Variants in RTTN observed in about 807,000 individuals in gnomAD.
RTTN encodes rotatin.
A neutral mutation model predicts 269.2 loss-of-function variants in RTTN; 182 were observed. The ratio of observed to expected loss-of-function variants is 0.68; its 90% CI spans 0.60 to 0.76. The LOEUF is 0.76. Ranked by LOEUF, RTTN falls within the 30% of genes least tolerant of loss-of-function variation. RTTN has a pLI of 0.00. For missense variants in RTTN, 2,545 were observed against 2,608.6 expected, an observed-to-expected ratio of 0.98 and a Z score of 0.53; for synonymous variants, 1,006 against 963.5, an observed-to-expected ratio of 1.04 and a Z score of -0.82.
chr18:70,086,763 T>C, intron 31 of RTTN, 79 bp from the exon 32 acceptor site: 1 of 1,283,384 alleles, frequency 7.8e-7, no homozygotes, highest in Non-Finnish European at 1.1e-6. Flanking sequence ...TGGTCATCTC[T>C]GAAATAACCA....
chr18:70,010,598 G>A (rs934465799), intron 46 of RTTN, among the ~76,000 whole-genome samples: 1 of 152,146 alleles, frequency 6.6e-6, no homozygotes, highest in South Asian at 2.1e-4. Flanking sequence ...GTGTTTAGAG[G>A]GAAATTTATA....
At chr18:70,161,824 A>G (rs1461653181) in intron 14 of RTTN, among the ~76,000 whole-genome samples, 1 of 152,324 alleles carries the variant, frequency 6.6e-6, no homozygotes, top group East Asian at 1.9e-4. Flanking sequence ...CAGAATGGCT[A>G]TTATTAAAAA....
At chr18:70,159,875 GAAATT>G (rs1277283148) in intron 14 of RTTN, among the ~76,000 whole-genome samples, 1 of 151,812 alleles carries the variant, frequency 6.6e-6, no homozygotes, top group Non-Finnish European at 1.5e-5. Flanking sequence ...GGACCAGAAA[GAAATT>G]AAAACCATGA....
chr18:70,057,880 T>A, intron 36 of RTTN, 48 bp from the exon 37 acceptor site: 1 of 1,293,664 alleles, frequency 7.7e-7, no homozygotes, highest in Non-Finnish European at 1.1e-6. Context: ...AGTATACTTT[T>A]TATTAAAGAT....
chr18:70,062,712 A>G (rs1277480294), intron 35 of RTTN, among the ~76,000 whole-genome samples: 2 of 150,910 alleles, frequency 1.3e-5, no homozygotes, highest in Non-Finnish European at 2.9e-5. Context: ...CCTGGGCTCA[A>G]GTGCTCCTCC....
chr18:70,107,403 T>C (rs943953645), intron 28 of RTTN, among the ~76,000 whole-genome samples: 1 of 152,242 alleles, frequency 6.6e-6, no homozygotes, highest in Non-Finnish European at 1.5e-5. Context: ...GCCTTGTCTA[T>C]GAAGCCCAAG....
At chr18:70,058,847 C>T (rs186793806) in intron 36 of RTTN, among the ~76,000 whole-genome samples, 22 of 152,182 alleles carry the variant, frequency 1.4e-4, no homozygotes, top group Admixed American at 3.9e-4. Flanking sequence ...TACTCCATTG[C>T]GTATCATACA....
chr18:70,078,202 G>A (rs551120004), intron 32 of RTTN, among the ~76,000 whole-genome samples: 17 of 152,064 alleles, frequency 1.1e-4, no homozygotes, highest in Admixed American at 9.2e-4. Context: ...AGAGTCAGAT[G>A]AAAATTCAAC....
intron 10 of RTTN, among the ~76,000 whole-genome samples, chr18:70,181,966 T>C (rs985792182): frequency 9.9e-5 from 15 of 152,174 alleles, no homozygotes; most frequent in African/African-American, 3.1e-4. Flanking sequence ...TAAAAGTGAA[T>C]GACTAACTTT....
At chr18:70,050,322 A>G (rs1162730945) in intron 39 of RTTN, among the ~76,000 whole-genome samples, 1 of 152,226 alleles carries the variant, frequency 6.6e-6, no homozygotes, top group Non-Finnish European at 1.5e-5. Flanking sequence ...CATGAAAAAA[A>G]ACCCATCATC....
Position 70,127,574 on chromosome 18 carries a change from A to T in RTTN, c.3311T>A (p.Leu1104Ter). Residue 1104 changes from leucine (L) to a stop codon, truncating the protein, a stop_gained, in exon 25 of 49, where the codon TTG becomes TAG. Transcript: ENST00000640769. LOFTEE classifies it high-confidence loss of function. ...TGGACCAGGGCAACCCTTTAAAGACAATCTGTCATTCAGAAGATAAAAACT... is the reference window on the plus strand; with the variant it reads ...TGGACCAGGGCAACCCTTTAAAGACTATCTGTCATTCAGAAGATAAAAACT... ...RMSFYLLNDRLSLKGCPGPCG... is the reference protein window; with the variant it reads ...RMSFYLLNDR 6.2e-7 allele frequency: 1 copy of T among 1,613,562 alleles called. No homozygotes were observed. The highest frequency in any genetic ancestry group is 8.5e-7 in the Non-Finnish European group (1 of 1,179,722).
intron 28 of RTTN, among the ~76,000 whole-genome samples, chr18:70,093,126 G>T (rs2058898033): frequency 6.6e-6 from 1 of 152,146 alleles, no homozygotes; most frequent in African/African-American, 2.4e-5. Context: ...GATCCCTTGA[G>T]CCTGGGAGCT....
In RTTN at chr18:70,204,018, A is replaced by T. The variant is rs567368824; in HGVS notation, c.397+68T>A. 67 of 1,214,944 alleles carry T rather than the reference A, an allele frequency of 5.5e-5. No individual in the cohort carries two copies. In the South Asian group the frequency reaches 9.6e-4, roughly 17 times the overall value. 75.3% of individuals were successfully genotyped at this position (1,214,944 alleles called of 1,614,324 possible). ...GAGAAATCCTTTTTAAAAAAATCTA[A>T]TCTCCCTTTCCTTAAAATTTACCAT... On this transcript the variant is annotated intron_variant, in intron 3 of 48. Coordinates refer to ENST00000640769, the MANE Select transcript of RTTN (RefSeq NM_173630.4).
At chr18:70,076,557 G>T (rs2058434034) in intron 32 of RTTN, among the ~76,000 whole-genome samples, 2 of 151,986 alleles carry the variant, frequency 1.3e-5, no homozygotes, top group African/African-American at 2.4e-5. Flanking sequence ...TCTTTTTAAG[G>T]ACATTTATAT....
intron 10 of RTTN, among the ~76,000 whole-genome samples, chr18:70,177,247 G>A (rs1165991405): frequency 6.6e-6 from 1 of 152,046 alleles, no homozygotes; most frequent in Non-Finnish European, 1.5e-5. Context: ...ACAGTGGCAG[G>A]CATAATGAAA....
At chr18:70,169,651 T>A (rs1197319662) in intron 11 of RTTN, among the ~76,000 whole-genome samples, 1 of 152,176 alleles carries the variant, frequency 6.6e-6, no homozygotes, top group Non-Finnish European at 1.5e-5. Context: ...ATACAGAAGA[T>A]AGCCCCTTAA....
chr18:70,020,867 T>C, intron 44 of RTTN, 50 bp from the exon 45 acceptor site: 1 of 1,502,936 alleles, frequency 6.7e-7, no homozygotes, highest in Non-Finnish European at 9.1e-7. Flanking sequence ...CCCTGTTTAG[T>C]TTTTGAAGAC....
rs143065694 is a variant in RTTN, at chr18:70,102,355, T to C, written c.3903+7143A>G. Among the ~76,000 whole-genome samples the C allele has an allele frequency of 5.0e-3, 760 of 152,312 alleles. 6 individuals carry two copies. Among genetic ancestry groups the C allele is most frequent in the Non-Finnish European group, 8.3e-3 (562 of 68,018 alleles). ...ATGGCCTTGTCTCTTTAGATCTTTG[T>C]TGGTTTAAAGTCTGTTTTATCGGAG... On this transcript the variant is annotated intron_variant, in intron 28 of 48. Coordinates refer to ENST00000640769, the MANE Select transcript of RTTN (RefSeq NM_173630.4).
At chr18:70,049,615 TAGC>T (rs1177251752) in intron 39 of RTTN, among the ~76,000 whole-genome samples, 3 of 152,176 alleles carry the variant, frequency 2.0e-5, no homozygotes, top group Non-Finnish European at 4.4e-5. Context: ...TCAGTTGAAT[TAGC>T]AGGTACTTTG....
Sources: allele counts gnomAD v4.1 joint callset (sites outside exome capture counted in the v4.1 genomes callset), GRCh38; gene constraint gnomAD v4.1.1; transcripts MANE v1.5; gene names NCBI Gene and HGNC (gene_info 2026-07-23, HGNC 2026-07-21).